Variants in NT5DC3 observed in about 807,000 individuals in gnomAD.
NT5DC3 encodes the protein 5'-nucleotidase domain-containing protein 3.
Under a neutral mutation model 67.8 loss-of-function variants are expected in NT5DC3, and 42 were observed. That is an observed-to-expected ratio of 0.62 (90% CI 0.48 to 0.80). The LOEUF (loss-of-function observed/expected upper bound fraction) is 0.80, where lower values mean the gene tolerates loss of function less well. Ranked by LOEUF, NT5DC3 falls within the 30% of genes least tolerant of loss-of-function variation. The pLI, the probability that NT5DC3 is intolerant of heterozygous loss-of-function variation, is 0.00. For synonymous variants in NT5DC3, 237 were observed against 255.6 expected, an observed-to-expected ratio of 0.93 and a Z score of 0.69; for missense variants, 570 against 696.4, an observed-to-expected ratio of 0.82 and a Z score of 2.04.
intron 1 of NT5DC3, among the ~76,000 whole-genome samples, chr12:103,817,891 T>C (rs1887331458): frequency 6.6e-6 from 1 of 152,196 alleles, no homozygotes; most frequent in Non-Finnish European, 1.5e-5. Flanking sequence ...AATATACTCA[T>C]TCACTCTAAA....
chr12:103,837,267 C>A (rs1479916326), intron 1 of NT5DC3, among the ~76,000 whole-genome samples: 4 of 152,230 alleles, frequency 2.6e-5, no homozygotes, highest in Non-Finnish European at 5.9e-5. Flanking sequence ...CTGGGCCCAG[C>A]CCACTAAACC....
rs184999345 is a variant in NT5DC3 at position 103,793,283 on chromosome 12, C to A, written c.918-18G>T. ...CTTTGTCCCTAGGGCAACAAGTCAG[C>A]CAGGTTAGTCTAACATTAAAGAGAT... On this transcript the variant is annotated intron_variant, in intron 8 of 13. Transcript: ENST00000392876. The A allele has an allele frequency of 1.9e-6, 3 of 1,589,310 alleles. No individual in the cohort carries two copies. The highest frequency in any genetic ancestry group is 3.4e-5 in the Admixed American group (2 of 58,900).
chr12:103,831,526 C>CCCG (rs1187356577), intron 1 of NT5DC3, among the ~76,000 whole-genome samples: 2 of 151,820 alleles, frequency 1.3e-5, no homozygotes, highest in African/African-American at 4.9e-5. Context: ...CCAAAACCTG[C>CCCG]CCCCCCACAC....
At chr12:103,763,261 C>A in the NT5DC3 span, 1 of 528,684 alleles carries the variant, frequency 1.9e-6, no homozygotes, top group Non-Finnish European at 3.4e-6. Flanking sequence ...ATGGAAATGC[C>A]CTATGTGCCG....
At position 103,776,663 on chromosome 12, in the gene NT5DC3, A is replaced by AG. The variant is rs1182446193; in HGVS notation, c.*1165_*1166insC. On this transcript the variant is annotated 3_prime_UTR_variant, in exon 14 of 14. Transcript: ENST00000392876. Reference sequence around the variant, plus strand: ...TCCCATCTTAGACATCTAAAAAAAAACAAAACAAAACAAAAAAAAAAAAAA... The same window carrying AG: ...TCCCATCTTAGACATCTAAAAAAAAAGCAAAACAAAACAAAAAAAAAAAAAA... 8.6e-6 allele frequency: 1 copy of AG among 116,026 alleles called. No individual in the cohort carries two copies. Among genetic ancestry groups the AG allele is most frequent in the Non-Finnish European group, 1.9e-5 (1 of 52,886 alleles). 7.2% of individuals were successfully genotyped at this position (116,026 alleles called of 1,614,324 possible).
chr12:103,771,062 G>C (rs547137177), downstream of NT5DC3: 4 of 152,264 alleles, frequency 2.6e-5, no homozygotes, highest in Admixed American at 1.3e-4. Flanking sequence ...AATTTCTGTT[G>C]TTTATAAGCT....
chr12:103,785,850 C>T (rs1034488744), intron 11 of NT5DC3: 7 of 414,838 alleles, frequency 1.7e-5, no homozygotes, highest in African/African-American at 1.5e-4. Flanking sequence ...ATCCACAGAC[C>T]TGTGTGTGCC....
At chr12:103,813,797 GA>G (rs1328650046) in intron 2 of NT5DC3, among the ~76,000 whole-genome samples, 2 of 152,224 alleles carry the variant, frequency 1.3e-5, no homozygotes, top group East Asian at 3.8e-4. Flanking sequence ...ATCAACTTGG[GA>G]AAAGTCTTAG....
intron 4 of NT5DC3, among the ~76,000 whole-genome samples, chr12:103,799,928 GA>G (rs1593405204): frequency 1.3e-5 from 2 of 152,172 alleles, no homozygotes; most frequent in East Asian, 3.9e-4. Context: ...GTCAGGAGGG[GA>G]AACACCTGCT....
chr12:103,799,480 C>T (rs1192277096), intron 4 of NT5DC3, among the ~76,000 whole-genome samples: 1 of 152,166 alleles, frequency 6.6e-6, no homozygotes, highest in Non-Finnish European at 1.5e-5. Flanking sequence ...TGCCTGCCAC[C>T]ATGTAAAGCA....
chr12:103,811,278 G>C (rs1009171897), intron 2 of NT5DC3, among the ~76,000 whole-genome samples: 1 of 151,988 alleles, frequency 6.6e-6, no homozygotes, highest in Non-Finnish European at 1.5e-5. Flanking sequence ...ACAAATCTGC[G>C]GGTGGGCGGG....
At chr12:103,810,116 C>T (rs1481356657) in intron 2 of NT5DC3, among the ~76,000 whole-genome samples, 5 of 152,178 alleles carry the variant, frequency 3.3e-5, no homozygotes, top group African/African-American at 1.2e-4. Flanking sequence ...TGAGAACTGG[C>T]GGCCTGGGGT....
At chr12:103,760,733 A>G in the NT5DC3 span, among the ~76,000 whole-genome samples, 26 of 152,334 alleles carry the variant, frequency 1.7e-4, no homozygotes, top group East Asian at 5.0e-3. Flanking sequence ...CAAGTGCTTA[A>G]TAAATATTGG....
At chr12:103,749,567 C>G in the NT5DC3 span, among the ~76,000 whole-genome samples, 1 of 151,696 alleles carries the variant, frequency 6.6e-6, no homozygotes, top group Non-Finnish European at 1.5e-5. Context: ...CGGTGGCTCA[C>G]GCCTGTAATC....
chr12:103,768,582 G>A (rs57148613), downstream of NT5DC3, among the ~76,000 whole-genome samples: 8 of 140 alleles, frequency 0.057, 2 homozygotes, highest in African/African-American at 0.16. Context: ...GGAGGGGGAG[G>A]GGGAGGGAGG....
chr12:103,826,959 T>G (rs989467657), intron 1 of NT5DC3, among the ~76,000 whole-genome samples: 1 of 152,200 alleles, frequency 6.6e-6, no homozygotes, highest in African/African-American at 2.4e-5. Context: ...AATAAATACA[T>G]ATGCCTGGGC....
chr12:103,763,540 A>C, the NT5DC3 span: 1 of 1,614,034 alleles, frequency 6.2e-7, no homozygotes, highest in Non-Finnish European at 8.5e-7. Flanking sequence ...GCAGCCTGAG[A>C]ATATCTCGAA....
At chr12:103,819,094 T>TA (rs1887385704) in intron 1 of NT5DC3, among the ~76,000 whole-genome samples, 1 of 152,114 alleles carries the variant, frequency 6.6e-6, no homozygotes, top group Non-Finnish European at 1.5e-5. Flanking sequence ...ACTACTATGA[T>TA]AAAAAATCGT....
At chr12:103,839,077 A>G (rs1888270830) in intron 1 of NT5DC3, among the ~76,000 whole-genome samples, 1 of 152,252 alleles carries the variant, frequency 6.6e-6, no homozygotes, top group African/African-American at 2.4e-5. Flanking sequence ...AAAACTGTAC[A>G]GAAATACATC....
Sources: allele counts gnomAD v4.1 joint callset (sites outside exome capture counted in the v4.1 genomes callset), GRCh38; gene constraint gnomAD v4.1.1; transcripts MANE v1.5; gene names NCBI Gene and HGNC (gene_info 2026-07-23, HGNC 2026-07-21).